The following STAC variants were observed in gnomAD, a reference collection of about 807,000 sequenced individuals.
STAC encodes the protein SH3 and cysteine rich domain.
Under a neutral mutation model 48.8 loss-of-function variants are expected in STAC, and 43 were observed. That is an observed-to-expected ratio of 0.88 (90% CI 0.69 to 1.14). The LOEUF (loss-of-function observed/expected upper bound fraction) is 1.14, where lower values mean the gene tolerates loss of function less well. STAC is among the 50% of genes most tolerant of loss of function. The probability of loss-of-function intolerance (pLI) is 0.00; values close to 1 mark genes in which losing one functional copy is unlikely to be tolerated. For synonymous variants in STAC, 193 were observed against 179.5 expected (o/e 1.07, Z -0.60); for missense variants, 497 against 504.0 (o/e 0.99, Z 0.13).
chr3:36,394,874 T>C (rs950273877), intron 1 of STAC, among the ~76,000 whole-genome samples: 3 of 148,940 alleles, frequency 2.0e-5, no homozygotes, highest in Non-Finnish European at 4.5e-5. Context: ...CAGAGTAAAA[T>C]TCTGTCAAAA....
chr3:36,415,203 C>T (rs909181722), intron 1 of STAC, among the ~76,000 whole-genome samples: 1 of 152,212 alleles, frequency 6.6e-6, no homozygotes, highest in Non-Finnish European at 1.5e-5. Context: ...AGCTGTCAGA[C>T]AGGGACATTT....
rs771540574 is a variant in STAC at position 36,486,126 on chromosome 3, T to C, written c.572-8T>C. 2 of 1,609,410 alleles carry C rather than the reference T, an allele frequency of 1.2e-6. No homozygotes were observed. Among genetic ancestry groups the C allele is most frequent in the East Asian group, 2.2e-5 (1 of 44,770 alleles). On this transcript the variant is annotated splice_region_variant and splice_polypyrimidine_tract_variant and intron_variant, in intron 4 of 10. Transcript: ENST00000273183. ...GCTTCCTCAGATGAACTTTCTCTTC[T>C]GTTGCAGCCTGTGGCAATAAGGTGG... is the stretch of plus-strand genomic sequence containing the variant.
chr3:36,464,757 G>C (rs1283762828), intron 2 of STAC, among the ~76,000 whole-genome samples: 1 of 151,970 alleles, frequency 6.6e-6, no homozygotes, highest in African/African-American at 2.4e-5. Context: ...ATTCCATCCA[G>C]GTTGCTATGA....
chr3:36,428,038 T>C (rs559373950), intron 1 of STAC, among the ~76,000 whole-genome samples: 1 of 152,230 alleles, frequency 6.6e-6, no homozygotes, highest in South Asian at 2.1e-4. Flanking sequence ...ACCTGAAAAC[T>C]AAAAGCAATG....
chr3:36,381,170 C>T (rs1699502893), intron 1 of STAC, among the ~76,000 whole-genome samples: 1 of 152,040 alleles, frequency 6.6e-6, no homozygotes, highest in African/African-American at 2.4e-5. Context: ...GTATGTATCC[C>T]AAGGGTCTCA....
intron 8 of STAC, among the ~76,000 whole-genome samples, chr3:36,515,511 T>C (rs2125721098): frequency 6.6e-6 from 1 of 151,978 alleles, no homozygotes; most frequent in East Asian, 1.9e-4. Context: ...AGAAAAAAAG[T>C]GGGGAGGGTA....
intron 10 of STAC, among the ~76,000 whole-genome samples, chr3:36,542,186 T>C (rs1370799721): frequency 1.3e-5 from 2 of 152,176 alleles, no homozygotes; most frequent in African/African-American, 4.8e-5. Flanking sequence ...AATTAAAACC[T>C]TTTAACACCT....
intron 1 of STAC, among the ~76,000 whole-genome samples, chr3:36,440,970 C>T (rs1178192499): frequency 2.6e-5 from 4 of 152,094 alleles, no homozygotes; most frequent in African/African-American, 4.8e-5. Context: ...TTTTAATTGA[C>T]ATAAAATAAT....
At chr3:36,519,894 A>C (rs929020752) in intron 8 of STAC, among the ~76,000 whole-genome samples, 23 of 152,234 alleles carry the variant, frequency 1.5e-4, no homozygotes, top group African/African-American at 5.5e-4. Flanking sequence ...CAGTAGTCAC[A>C]GGATAAAGGG....
At chr3:36,405,802 C>G (rs1047860908) in intron 1 of STAC, among the ~76,000 whole-genome samples, 3 of 152,184 alleles carry the variant, frequency 2.0e-5, no homozygotes, top group African/African-American at 7.2e-5. Context: ...CGCACTGCAG[C>G]CTCCAAATGC....
intron 1 of STAC, among the ~76,000 whole-genome samples, chr3:36,415,466 C>T (rs532119448): frequency 6.6e-6 from 1 of 152,334 alleles, no homozygotes; most frequent in African/African-American, 2.4e-5. Flanking sequence ...ATATAATCTC[C>T]TGGTGTGCTG....
chr3:36,530,753 G>A (rs992180196), intron 10 of STAC, among the ~76,000 whole-genome samples: 4 of 151,270 alleles, frequency 2.6e-5, no homozygotes, highest in Admixed American at 6.6e-5. Context: ...GAGCCACCAC[G>A]CCTGGCTAAT....
chr3:36,391,945 T>C (rs1191312902), intron 1 of STAC, among the ~76,000 whole-genome samples: 2 of 152,160 alleles, frequency 1.3e-5, no homozygotes, highest in Non-Finnish European at 2.9e-5. Context: ...CTCCCAGGAA[T>C]GCCACTGCTC....
chr3:36,530,962 T>C (rs1339072332), intron 10 of STAC, among the ~76,000 whole-genome samples: 1 of 152,162 alleles, frequency 6.6e-6, no homozygotes, highest in African/African-American at 2.4e-5. Flanking sequence ...AGAAAAATGA[T>C]AATATGGAGG....
intron 8 of STAC, among the ~76,000 whole-genome samples, chr3:36,525,673 A>C (rs1369300473): frequency 6.6e-6 from 1 of 152,224 alleles, no homozygotes; most frequent in Non-Finnish European, 1.5e-5. Flanking sequence ...TTTAAATAAA[A>C]TCTGCTGGGG....
intron 2 of STAC, among the ~76,000 whole-genome samples, chr3:36,446,713 A>C (rs1011180967): frequency 6.6e-6 from 1 of 152,234 alleles, no homozygotes; most frequent in African/African-American, 2.4e-5. Flanking sequence ...GATGTTTCTA[A>C]GGGACTCCAT....
intron 10 of STAC, among the ~76,000 whole-genome samples, chr3:36,539,250 T>C (rs1039955318): frequency 2.0e-5 from 3 of 152,110 alleles, no homozygotes; most frequent in Admixed American, 2.0e-4. Flanking sequence ...AGGTTTGTTA[T>C]ATAGTTAAAC....
intron 1 of STAC, among the ~76,000 whole-genome samples, chr3:36,436,449 C>T (rs1700835700): frequency 6.6e-6 from 1 of 152,066 alleles, no homozygotes; most frequent in Non-Finnish European, 1.5e-5. Context: ...AGAAGCTACC[C>T]TTGACATCTC....
chr3:36,417,592 T>A, intron 1 of STAC, among the ~76,000 whole-genome samples: 1 of 152,262 alleles, frequency 6.6e-6, no homozygotes, highest in East Asian at 1.9e-4. Flanking sequence ...CATATTTATT[T>A]GGTTTCCTAG....
Sources: gnomAD v4.1 joint callset for allele counts (sites outside exome capture counted in the v4.1 genomes callset) on GRCh38, gnomAD v4.1.1 for gene constraint, MANE v1.5 for transcripts, NCBI Gene and HGNC (gene_info 2026-07-23, HGNC 2026-07-21) for gene names.